Variants in NAV2 observed in about 807,000 individuals in gnomAD.
The protein encoded by NAV2 is helicase, APC down-regulated 1.
Under a neutral mutation model 223.2 loss-of-function variants are expected in NAV2, and 54 were observed. That is an observed-to-expected ratio of 0.24 (90% CI 0.19 to 0.30). The LOEUF is 0.30. Ranked by LOEUF, NAV2 falls within the 10% of genes least tolerant of loss-of-function variation. The probability of loss-of-function intolerance (pLI) is 1.00; values close to 1 mark genes in which losing one functional copy is unlikely to be tolerated. For synonymous variants in NAV2, 1,279 were observed against 1,239.3 expected (o/e 1.03, Z -0.67); for missense variants, 2,806 against 3,147.5 (o/e 0.89, Z 2.60).
chr11:19,717,704 G>C (rs1285831370), intron 1 of NAV2, among the ~76,000 whole-genome samples: 2 of 152,222 alleles, frequency 1.3e-5, no homozygotes, highest in Non-Finnish European at 1.5e-5. Context: ...GTGCAGGGTA[G>C]TTGTGAGAAG....
At chr11:19,872,474 T>C (rs2062574438) in intron 4 of NAV2, among the ~76,000 whole-genome samples, 1 of 152,274 alleles carries the variant, frequency 6.6e-6, no homozygotes, top group Non-Finnish European at 1.5e-5. Context: ...CCTATGTTTC[T>C]ATCCACCTGC....
At chr11:20,010,934 G>A (rs1194811741) in intron 11 of NAV2, among the ~76,000 whole-genome samples, 2 of 152,208 alleles carry the variant, frequency 1.3e-5, no homozygotes, top group African/African-American at 2.4e-5. Flanking sequence ...AATAGTGACT[G>A]TAATACCCTT....
intron 1 of NAV2, among the ~76,000 whole-genome samples, chr11:19,540,000 C>T (rs1399918275): frequency 6.6e-6 from 1 of 152,142 alleles, no homozygotes; most frequent in African/African-American, 2.4e-5. Flanking sequence ...GAGTTATGTG[C>T]CTGCTTTACT....
intron 6 of NAV2, among the ~76,000 whole-genome samples, chr11:19,907,162 A>T (rs1006708028): frequency 2.6e-5 from 4 of 152,214 alleles, no homozygotes; most frequent in African/African-American, 9.7e-5. Context: ...TTGTTGAATC[A>T]ATGATTTCAT....
At chr11:19,672,984 G>A (rs998474119) in intron 1 of NAV2, among the ~76,000 whole-genome samples, 1 of 152,208 alleles carries the variant, frequency 6.6e-6, no homozygotes, top group Admixed American at 6.5e-5. Flanking sequence ...GAGACAGGTT[G>A]TAACAAGTTA....
intron 11 of NAV2, among the ~76,000 whole-genome samples, chr11:19,999,299 G>C (rs930992108): frequency 1.3e-5 from 2 of 152,200 alleles, no homozygotes; most frequent in African/African-American, 2.4e-5. Flanking sequence ...AAAAAAATCG[G>C]GTTATTCATG....
chr11:19,376,729 A>G (rs1848653829), intron 1 of NAV2, among the ~76,000 whole-genome samples: 2 of 152,234 alleles, frequency 1.3e-5, no homozygotes, highest in Admixed American at 1.3e-4. Flanking sequence ...AAACTGTAAC[A>G]AGTGCTCAGA....
At chr11:19,976,193 A>G (rs1467565331) in intron 10 of NAV2, among the ~76,000 whole-genome samples, 2 of 152,112 alleles carry the variant, frequency 1.3e-5, no homozygotes, top group Non-Finnish European at 2.9e-5. Flanking sequence ...TGTGCACACA[A>G]ATCACCTGGG....
Position 19,933,176 on chromosome 11 carries a change from A to G in NAV2, c.932A>G (p.Glu311Gly). 6.6e-7 allele frequency: 1 copy of G among 1,524,448 alleles called. No homozygotes were observed. Among genetic ancestry groups the G allele is most frequent in the Non-Finnish European group, 8.8e-7 (1 of 1,134,364 alleles). 94.4% of individuals were successfully genotyped at this position (1,524,448 alleles called of 1,614,324 possible). ...PPPPPSSHEK[E>G]PLASSASSHP... is the part of the protein sequence containing the mutation. ...GGCCTCCTCTCTTCTGTCTCTGCAG[A>G]GCCTTTGGCAAGTTCAGCCTCCTCC... is the stretch of plus-strand genomic sequence containing the variant. Residue 311 changes from glutamate (E) to glycine (G), a missense_variant and splice_region_variant, in exon 7 of 38, where the codon GAG becomes GGG. Glu to Gly is a moderately conservative substitution (Grantham distance 98). Transcript: ENST00000349880. This position sits in a 1 kb window ranked among gnomAD's most constrained non-coding sequence, Gnocchi z 4.3.
intron 11 of NAV2, among the ~76,000 whole-genome samples, chr11:20,019,670 G>T (rs1298718020): frequency 1.3e-5 from 2 of 152,078 alleles, no homozygotes; most frequent in African/African-American, 4.8e-5. Flanking sequence ...AGGTGAAGAG[G>T]AGGGTGAGCC....
intron 3 of NAV2, among the ~76,000 whole-genome samples, chr11:19,861,504 A>C (rs947695380): frequency 2.0e-5 from 3 of 152,226 alleles, no homozygotes; most frequent in African/African-American, 7.2e-5. Context: ...CATATTAAAC[A>C]TCACGAATAT....
intron 1 of NAV2, among the ~76,000 whole-genome samples, chr11:19,392,890 T>C (rs1450564406): frequency 6.6e-6 from 1 of 152,204 alleles, no homozygotes; most frequent in African/African-American, 2.4e-5. Context: ...TATTTACAAT[T>C]GAAGTGACTG....
intron 1 of NAV2, among the ~76,000 whole-genome samples, chr11:19,372,162 C>T (rs748755966): frequency 7.2e-5 from 11 of 152,196 alleles, no homozygotes; most frequent in Non-Finnish European, 1.5e-4. Flanking sequence ...AGCTTTGCTA[C>T]TAAAGGCATC....
intron 5 of NAV2, among the ~76,000 whole-genome samples, chr11:19,886,713 G>A (rs1187166599): frequency 6.6e-6 from 1 of 152,180 alleles, no homozygotes; most frequent in Non-Finnish European, 1.5e-5. Flanking sequence ...TGCCCATCCC[G>A]TGAATGATTT....
intron 11 of NAV2, among the ~76,000 whole-genome samples, chr11:19,999,633 A>G (rs1011348913): frequency 6.6e-6 from 1 of 152,204 alleles, no homozygotes; most frequent in Non-Finnish European, 1.5e-5. Context: ...GGCCTCCCAA[A>G]GTGCTGGGAT....
chr11:19,448,260 C>T (rs1016945257), intron 1 of NAV2, among the ~76,000 whole-genome samples: 1 of 152,056 alleles, frequency 6.6e-6, no homozygotes, highest in Admixed American at 6.6e-5. Context: ...TGTGGGCAGG[C>T]AGGCTCAGCA....
At chr11:19,493,045 G>A (rs1462213052) in intron 1 of NAV2, among the ~76,000 whole-genome samples, 2 of 152,070 alleles carry the variant, frequency 1.3e-5, no homozygotes, top group African/African-American at 4.8e-5. Flanking sequence ...GATAATAATC[G>A]TCCAGGTCGA....
rs112781494 is a variant in NAV2, at chr11:19,935,864, T to G, written c.2033+1587T>G. ...TGTTTTGTTTCTGTTTTTTTTTTTTTTTTTTTTTTTTGAGATGGAGTGTCG... is the reference window on the plus strand; with the variant it reads ...TGTTTTGTTTCTGTTTTTTTTTTTTGTTTTTTTTTTTGAGATGGAGTGTCG... On this transcript the variant is annotated intron_variant, in intron 7 of 37. Transcript: ENST00000349880. Among the ~76,000 whole-genome samples the G allele has an allele frequency of 6.5e-3, 660 of 100,960 alleles. 12 individuals carry two copies. The highest frequency in any genetic ancestry group is 0.013 in the African/African-American group (368 of 28,566). 66.2% of individuals were successfully genotyped at this position (100,960 alleles called of 152,430 possible).
At chr11:19,748,711 A>G (rs2053568998) in intron 1 of NAV2, among the ~76,000 whole-genome samples, 1 of 150,432 alleles carries the variant, frequency 6.6e-6, no homozygotes, top group Non-Finnish European at 1.5e-5. Context: ...GAAGCACTCA[A>G]TGAATGGTAG....
Sources: gnomAD v4.1 joint callset for allele counts (sites outside exome capture counted in the v4.1 genomes callset) on GRCh38, gnomAD v4.1.1 for gene constraint, Gnocchi (gnomAD v3.1) non-coding constraint, MANE v1.5 for transcripts, NCBI Gene and HGNC (gene_info 2026-07-23, HGNC 2026-07-21) for gene names.